Variants in RIPOR3 observed in about 807,000 individuals in gnomAD.
RIPOR3 encodes the protein family with sequence similarity 65 member C.
A neutral mutation model predicts 114.3 loss-of-function variants in RIPOR3; 95 were observed. The observed-to-expected ratio is 0.83, with a 90% CI of 0.70 to 0.99. The LOEUF is 0.99. RIPOR3 is among the 50% of genes least tolerant of loss of function. The pLI is 0.00. For synonymous variants in RIPOR3, 575 were observed against 543.8 expected, an observed-to-expected ratio of 1.06 and a Z score of -0.80; for missense variants, 1,252 against 1,266.9, an observed-to-expected ratio of 0.99 and a Z score of 0.18.
intron 1 of RIPOR3, among the ~76,000 whole-genome samples, chr20:50,665,749 A>T (rs1351539138): frequency 6.6e-6 from 1 of 151,970 alleles, no homozygotes; most frequent in Non-Finnish European, 1.5e-5. Context: ...ATGATCCCAC[A>T]CCACTTTTCA....
intron 14 of RIPOR3, among the ~76,000 whole-genome samples, chr20:50,596,638 G>A (rs1321366862): frequency 1.3e-5 from 2 of 152,214 alleles, no homozygotes; most frequent in African/African-American, 4.8e-5. Flanking sequence ...CATGAAATAC[G>A]GTGGGCAAGA....
intron 1 of RIPOR3, among the ~76,000 whole-genome samples, chr20:50,677,367 C>A: frequency 1.0e-5 from 1 of 96,778 alleles, no homozygotes; most frequent in Non-Finnish European, 2.1e-5. Context: ...TCTTGTTTTA[C>A]TTTTTTTTTT....
chr20:50,598,025 C>T (rs986046155), intron 13 of RIPOR3, among the ~76,000 whole-genome samples: 7 of 152,210 alleles, frequency 4.6e-5, no homozygotes, highest in Admixed American at 1.3e-4. Context: ...GCTGCCCCAG[C>T]GGGGACCAGG....
At chr20:50,595,143 T>C in intron 16 of RIPOR3, 1 of 585,638 alleles carries the variant, frequency 1.7e-6, no homozygotes, top group Non-Finnish European at 3.0e-6. Context: ...TGTGAATCAT[T>C]TGCCTAGAGT....
intron 1 of RIPOR3, among the ~76,000 whole-genome samples, chr20:50,644,045 A>G (rs1351907958): frequency 6.6e-6 from 1 of 151,304 alleles, no homozygotes; most frequent in Non-Finnish European, 1.5e-5. Context: ...TCTTGAGCCC[A>G]GGAGTTCAAG....
intron 1 of RIPOR3, among the ~76,000 whole-genome samples, chr20:50,637,840 A>G (rs1243958951): frequency 6.6e-6 from 1 of 152,066 alleles, no homozygotes; most frequent in East Asian, 1.9e-4. Context: ...ACACCGTTGC[A>G]CTCCAGCCTG....
At chr20:50,615,286 G>A (rs1429554842) in intron 4 of RIPOR3, among the ~76,000 whole-genome samples, 1 of 151,950 alleles carries the variant, frequency 6.6e-6, no homozygotes, top group African/African-American at 2.4e-5. Context: ...CACTTTGGGA[G>A]GCCGACACAG....
In RIPOR3 at chr20:50,587,270, A is replaced by G; in HGVS notation, c.2815T>C (p.Phe939Leu). 1.9e-6 allele frequency: 3 copies of G among 1,614,250 alleles called. No individual in the cohort carries two copies. Among genetic ancestry groups the G allele is most frequent in the Non-Finnish European group, 2.5e-6 (3 of 1,180,036 alleles). ...ATTTCAACATCTGCCTCCTGGCAAA[A>G]GACTTCTCTTTGTTCTGAGCAGAGC... ...DKLCSEQREVFCQEADVEITI... is the reference protein window; with the variant it reads ...DKLCSEQREVLCQEADVEITI... The change falls in exon 22 of 22, where the codon TTT becomes CTT. Residue 939 changes from phenylalanine to leucine, a missense_variant. Physicochemically the swap from Phe to Leu is conservative, Grantham distance 22 (BLOSUM62 0). Transcript: ENST00000327979.
intron 13 of RIPOR3, among the ~76,000 whole-genome samples, chr20:50,598,200 C>T (rs1459476889): frequency 6.6e-6 from 1 of 151,830 alleles, no homozygotes; most frequent in African/African-American, 2.4e-5. Flanking sequence ...CAGGCAAACG[C>T]TTCTTCACGA....
At chr20:50,656,111 G>A (rs755884597) in intron 1 of RIPOR3, among the ~76,000 whole-genome samples, 11 of 151,864 alleles carry the variant, frequency 7.2e-5, no homozygotes, top group Non-Finnish European at 1.0e-4. Flanking sequence ...GGGTTCAAGC[G>A]ATTCTCCTGC....
chr20:50,595,259 G>A lies in RIPOR3; in HGVS notation c.2050+110C>T. The stretch of plus-strand genomic sequence containing the variant: ...CCAGCCCAGCCACAGCCTCCACTCT[G>A]GGCCCCGATTAACTCTGGCTATTAG... On this transcript the variant is annotated intron_variant, in intron 16 of 21. Coordinates refer to ENST00000327979, the MANE Select transcript of RIPOR3 (RefSeq NM_001290268.2). 2.8e-6 allele frequency: 4 copies of A among 1,418,938 alleles called. No homozygotes were observed. In the South Asian group the frequency reaches 3.9e-5, roughly 14 times the overall value. The allele number at this position is 1,418,938 out of a possible 1,614,324, so 87.9% of individuals were successfully genotyped here.
intron 10 of RIPOR3, 37 bp downstream of exon 10, chr20:50,608,576 C>A (rs995799730): frequency 1.2e-6 from 2 of 1,613,760 alleles, no homozygotes; most frequent in Admixed American, 1.7e-5. Context: ...GCCGAACACC[C>A]AGGCACCCCA....
intron 1 of RIPOR3, among the ~76,000 whole-genome samples, chr20:50,639,134 C>CG (rs1372820367): frequency 6.6e-6 from 1 of 151,726 alleles, no homozygotes; most frequent in Admixed American, 6.6e-5. Context: ...CCCAGCTACT[C>CG]GGGAAGCTGA....
intron 1 of RIPOR3, among the ~76,000 whole-genome samples, chr20:50,671,073 A>G (rs1460325205): frequency 1.3e-5 from 2 of 152,208 alleles, no homozygotes; most frequent in Non-Finnish European, 2.9e-5. Flanking sequence ...AACCAAAGGC[A>G]TGCACCACCA....
intron 1 of RIPOR3, among the ~76,000 whole-genome samples, chr20:50,668,928 T>C (rs1241007248): frequency 6.6e-6 from 1 of 151,376 alleles, no homozygotes; most frequent in East Asian, 1.9e-4. Flanking sequence ...GGCTCATGCA[T>C]GCACATGACA....
intron 11 of RIPOR3, among the ~76,000 whole-genome samples, chr20:50,607,815 A>C (rs921976568): frequency 1.3e-5 from 2 of 152,118 alleles, no homozygotes; most frequent in African/African-American, 4.8e-5. Flanking sequence ...AGAGCAGAGG[A>C]GTGTCCTCAG....
intron 1 of RIPOR3, among the ~76,000 whole-genome samples, chr20:50,639,513 G>A (rs1432890159): frequency 6.6e-6 from 1 of 152,248 alleles, no homozygotes; most frequent in East Asian, 1.9e-4. Context: ...GCTGAGGCTC[G>A]AGATGGAGCC....
intron 1 of RIPOR3, chr20:50,662,116 C>T (rs2086018689): frequency 6.6e-6 from 1 of 152,656 alleles, no homozygotes; most frequent in African/African-American, 2.4e-5. Flanking sequence ...ACTCACTCCT[C>T]CTCCAGCCAC....
At chr20:50,594,360 G>A (rs1402321543) in intron 17 of RIPOR3, among the ~76,000 whole-genome samples, 193 bp downstream of exon 17, 2 of 151,794 alleles carry the variant, frequency 1.3e-5, no homozygotes, top group Non-Finnish European at 2.9e-5. Flanking sequence ...AAGGCCCCAC[G>A]TGGAGGCCCC....
Sources: gnomAD v4.1 joint callset for allele counts (sites outside exome capture counted in the v4.1 genomes callset) on GRCh38, gnomAD v4.1.1 for gene constraint, MANE v1.5 for transcripts, NCBI Gene and HGNC (gene_info 2026-07-23, HGNC 2026-07-21) for gene names.